The following MAP3K4 variants were observed in gnomAD, a reference collection of about 807,000 sequenced individuals.
MAP3K4 encodes mitogen-activated protein kinase kinase kinase 4.
A neutral mutation model predicts 185.6 loss-of-function variants in MAP3K4; 67 were observed. The ratio of observed to expected loss-of-function variants is 0.36; its 90% CI spans 0.30 to 0.44. MAP3K4 has a LOEUF of 0.44. Among genes scored for constraint, MAP3K4 ranks in the 20% least tolerant of loss-of-function variants. MAP3K4 has a pLI of 1.00. For missense variants in MAP3K4, 1,551 were observed against 1,995.1 expected (o/e 0.78, Z 4.24); for synonymous variants, 702 against 710.4 (o/e 0.99, Z 0.19).
rs2114853836 is a variant in MAP3K4 at position 161,086,270 on chromosome 6, T to G, written c.2373-109T>G. 1.7e-6 allele frequency: 1 copy of G among 601,936 alleles called. No homozygotes were observed. Among genetic ancestry groups the G allele is most frequent in the Non-Finnish European group, 2.9e-6 (1 of 344,602 alleles). The allele number at this position is 601,936 out of a possible 1,614,324, so 37.3% of individuals were successfully genotyped here. A position where few individuals can be genotyped will look rare whatever the true frequency, so the allele number is the denominator to read the frequency against. On this transcript the variant is annotated intron_variant, in intron 7 of 26. Coordinates refer to ENST00000392142, the MANE Select transcript of MAP3K4 (RefSeq NM_005922.4). The surrounding 1 kb of genome is among the most constrained non-coding windows in gnomAD (Gnocchi z 4.8). ...TTCCCATTTAAAAAATCCTCAGTCT[T>G]TATTTATTACTGTGATTTGGAATTT...
chr6:161,035,196 A>G (rs1042147701), intron 2 of MAP3K4, among the ~76,000 whole-genome samples: 1 of 152,134 alleles, frequency 6.6e-6, no homozygotes, highest in South Asian at 2.1e-4. Context: ...TCAGCAAACC[A>G]CTTGTCCTAA....
At chr6:161,040,001 C>A (rs1310770716) in intron 2 of MAP3K4, among the ~76,000 whole-genome samples, 1 of 152,070 alleles carries the variant, frequency 6.6e-6, no homozygotes, top group African/African-American at 2.4e-5. Flanking sequence ...AGATTAGATA[C>A]CTAGTGGTGG....
rs1777423777 is a variant in MAP3K4 at position 161,093,556 on chromosome 6, T to G, written c.3349-217T>G. ...TACACGTTATTGTGTTATGGGAAATTGACAGCTAATTTGCTTTTACTTATA... is the reference window on the plus strand; with the variant it reads ...TACACGTTATTGTGTTATGGGAAATGGACAGCTAATTTGCTTTTACTTATA... On this transcript the variant is annotated intron_variant, in intron 14 of 26. Transcript: ENST00000392142. The surrounding 1 kb of genome is among the most constrained non-coding windows in gnomAD (Gnocchi z 5.2). Among the ~76,000 whole-genome samples the G allele has an allele frequency of 6.6e-6, 1 of 152,236 alleles. No homozygotes were observed. Among genetic ancestry groups the G allele is most frequent in the African/African-American group, 2.4e-5 (1 of 41,460 alleles).
rs1052307880 is a variant in MAP3K4 at position 161,114,812 on chromosome 6, A to G, written c.4627-311A>G. ...GATGATGGCTTCTAGATACTGTTGG[A>G]CTAAATAGTGCACCCCAAATGGAGT... On this transcript the variant is annotated intron_variant, in intron 25 of 26. Coordinates refer to ENST00000392142, the MANE Select transcript of MAP3K4 (RefSeq NM_005922.4). This position sits in a 1 kb window ranked among gnomAD's most constrained non-coding sequence, Gnocchi z 4.3. Among the ~76,000 whole-genome samples, 2 of 152,100 alleles carry G rather than the reference A, an allele frequency of 1.3e-5. No individual in the cohort carries two copies. Among genetic ancestry groups the G allele is most frequent in the African/African-American group, 4.8e-5 (2 of 41,406 alleles).
rs1430882866 is a variant in MAP3K4, at chr6:161,064,535, A to G, written c.1708-6073A>G. On this transcript the variant is annotated intron_variant, in intron 3 of 26. Coordinates refer to ENST00000392142, the MANE Select transcript of MAP3K4 (RefSeq NM_005922.4). This position sits in a 1 kb window ranked among gnomAD's most constrained non-coding sequence, Gnocchi z 4.3. ...GTTTATTACTGTGCAGGCTTATTCT[A>G]TTTTAAATAGAGTAGGCTTATTAGT... Among the ~76,000 whole-genome samples, 2 of 151,460 alleles carry G rather than the reference A, an allele frequency of 1.3e-5. No homozygotes were observed. Among genetic ancestry groups the G allele is most frequent in the East Asian group, 1.9e-4 (1 of 5,150 alleles).
At chr6:161,111,731 G>C in intron 23 of MAP3K4, 105 bp from the exon 24 acceptor site, 1 of 1,086,604 alleles carries the variant, frequency 9.2e-7, no homozygotes, top group Non-Finnish European at 1.3e-6. Flanking sequence ...TAAGCCTTTC[G>C]ATTGTTTAGC....
At position 161,109,607 on chromosome 6, in the gene MAP3K4, A is replaced by C; in HGVS notation, c.4237-148A>C. ...AGGACTTAGAAACGACTGTTGTGAG[A>C]CACATTCAGTGCTCAGGATGGCAAG... On this transcript the variant is annotated intron_variant, in intron 22 of 26. Transcript: ENST00000392142. The surrounding 1 kb of genome is among the most constrained non-coding windows in gnomAD (Gnocchi z 5.7). 1.3e-6 allele frequency: 1 copy of C among 748,902 alleles called. No individual in the cohort carries two copies. The highest frequency in any genetic ancestry group is 2.2e-6 in the Non-Finnish European group (1 of 454,906). The allele number at this position is 748,902 out of a possible 1,614,324, so 46.4% of individuals were successfully genotyped here.
chr6:161,012,935 A>G (rs1781916030), intron 1 of MAP3K4, among the ~76,000 whole-genome samples: 2 of 152,226 alleles, frequency 1.3e-5, no homozygotes, highest in Admixed American at 6.5e-5. Flanking sequence ...TGAGCATACC[A>G]TAGAGCTGGA....
Position 161,017,061 on chromosome 6 carries a change from A to G in MAP3K4, c.153-17198A>G, listed in dbSNP as rs1302967947. Reference sequence around the variant, plus strand: ...ATATATCTCGGGAGTATAATGCTTTACTAAAGGTCTTGTGTGCACTGAAAA... The same window carrying G: ...ATATATCTCGGGAGTATAATGCTTTGCTAAAGGTCTTGTGTGCACTGAAAA... On this transcript the variant is annotated intron_variant, in intron 1 of 26. Coordinates refer to ENST00000392142, the MANE Select transcript of MAP3K4 (RefSeq NM_005922.4). This position sits in a 1 kb window ranked among gnomAD's most constrained non-coding sequence, Gnocchi z 5.1. 6.6e-6 allele frequency among the ~76,000 whole-genome samples: 1 copy of G among 152,170 alleles called. No homozygotes were observed. The highest frequency in any genetic ancestry group is 1.5e-5 in the Non-Finnish European group (1 of 68,024).
chr6:161,027,120 C>G (rs1014363417), intron 1 of MAP3K4, among the ~76,000 whole-genome samples: 5 of 152,076 alleles, frequency 3.3e-5, no homozygotes, highest in African/African-American at 1.2e-4. Context: ...AAGACCTGGT[C>G]CTATTCATTT....
intron 3 of MAP3K4, among the ~76,000 whole-genome samples, chr6:161,062,013 T>G (rs931611094): frequency 6.6e-6 from 1 of 152,232 alleles, no homozygotes; most frequent in Non-Finnish European, 1.5e-5. Flanking sequence ...ATTTTATGTT[T>G]TATACTTCTG....
Position 161,086,357 on chromosome 6 carries a change from T to A in MAP3K4, c.2373-22T>A. On this transcript the variant is annotated intron_variant, in intron 7 of 26. Coordinates refer to ENST00000392142, the MANE Select transcript of MAP3K4 (RefSeq NM_005922.4). The surrounding 1 kb of genome is among the most constrained non-coding windows in gnomAD (Gnocchi z 4.8). ...GGAATATTCCCTAATGTGTTCTAAC[T>A]GGACTTGAATCCACTTGGCAGGAGG... The A allele has an allele frequency of 6.8e-7, 1 of 1,465,688 alleles. No individual in the cohort carries two copies. Among genetic ancestry groups the A allele is most frequent in the Non-Finnish European group, 9.5e-7 (1 of 1,051,678 alleles). The allele number at this position is 1,465,688 out of a possible 1,614,324, so 90.8% of individuals were successfully genotyped here.
At chr6:161,057,878 A>G (rs1784313916) in intron 3 of MAP3K4, among the ~76,000 whole-genome samples, 1 of 152,228 alleles carries the variant, frequency 6.6e-6, no homozygotes, top group East Asian at 1.9e-4. Context: ...CATACAAAGG[A>G]AAGTAGGAAG....
chr6:161,082,158 C>CGG lies in MAP3K4; in HGVS notation c.2255+1120_2255+1121insGG, dbSNP rs1785490755. 6.6e-6 allele frequency among the ~76,000 whole-genome samples: 1 copy of CGG among 151,972 alleles called. No individual in the cohort carries two copies. Among genetic ancestry groups the CGG allele is most frequent in the Non-Finnish European group, 1.5e-5 (1 of 68,008 alleles). The stretch of plus-strand genomic sequence containing the variant: ...GCTCTCCTCTCATAACTCCATCCGT[C>CGG]AGGCTGTGATCCCCAGGCTGTCTTT... On this transcript the variant is annotated intron_variant, in intron 6 of 26. Transcript: ENST00000392142. The surrounding 1 kb of genome is among the most constrained non-coding windows in gnomAD (Gnocchi z 4.2).
In MAP3K4 at chr6:161,037,940, G is replaced by C. The variant is rs903902088; in HGVS notation, c.343+3491G>C. Among the ~76,000 whole-genome samples the C allele has an allele frequency of 6.6e-6, 1 of 151,980 alleles. No individual in the cohort carries two copies. Among genetic ancestry groups the C allele is most frequent in the African/African-American group, 2.4e-5 (1 of 41,362 alleles). On this transcript the variant is annotated intron_variant, in intron 2 of 26. Transcript: ENST00000392142. The surrounding 1 kb of genome is among the most constrained non-coding windows in gnomAD (Gnocchi z 4.2). Reference sequence around the variant, plus strand: ...TCCTTGTATGTCTTCCTAGTCCTTCGCTTTATCTCACTACATAATGCTGCT... The same window carrying C: ...TCCTTGTATGTCTTCCTAGTCCTTCCCTTTATCTCACTACATAATGCTGCT...
intron 1 of MAP3K4, among the ~76,000 whole-genome samples, chr6:161,019,447 G>C (rs958683843): frequency 2.0e-5 from 3 of 151,870 alleles, no homozygotes; most frequent in Admixed American, 6.6e-5. Context: ...AGTCTCTCTC[G>C]CCCAGGCTGG....
In MAP3K4 at chr6:161,008,391, A is replaced by AGT. The variant is rs750133181; in HGVS notation, c.152+16321_152+16322dup. On this transcript the variant is annotated intron_variant, in intron 1 of 26. Coordinates refer to ENST00000392142, the MANE Select transcript of MAP3K4 (RefSeq NM_005922.4). This position sits in a 1 kb window ranked among gnomAD's most constrained non-coding sequence, Gnocchi z 4.1. ...CCTGGAAATATAATTACTATACCAAAGTGTGTGTGTGTGTAAATATATGTA... is the reference window on the plus strand; with the variant it reads ...CCTGGAAATATAATTACTATACCAAAGTGTGTGTGTGTGTGTAAATATATGTA... 4.5e-4 allele frequency among the ~76,000 whole-genome samples: 69 copies of AGT among 152,080 alleles called. No individual in the cohort carries two copies. Among genetic ancestry groups the AGT allele is most frequent in the Non-Finnish European group, 7.9e-4 (54 of 67,964 alleles).
At chr6:161,094,993 A>G (rs949638523) in intron 15 of MAP3K4, among the ~76,000 whole-genome samples, 1 of 152,242 alleles carries the variant, frequency 6.6e-6, no homozygotes, top group Non-Finnish European at 1.5e-5. Context: ...AATATGGAAG[A>G]TGTTCATTTA....
At chr6:161,069,158 A>C (rs1162343333) in intron 3 of MAP3K4, among the ~76,000 whole-genome samples, 1 of 152,194 alleles carries the variant, frequency 6.6e-6, no homozygotes, top group African/African-American at 2.4e-5. Flanking sequence ...ATCAACCCTG[A>C]GAGACTACTC....
Sources: gnomAD v4.1 joint callset for allele counts (sites outside exome capture counted in the v4.1 genomes callset) on GRCh38, gnomAD v4.1.1 for gene constraint, Gnocchi (gnomAD v3.1) non-coding constraint, MANE v1.5 for transcripts, NCBI Gene and HGNC (gene_info 2026-07-23, HGNC 2026-07-21) for gene names.